Variants in TTC34 observed in about 807,000 individuals in gnomAD.
TTC34 encodes the protein tetratricopeptide repeat domain 34, also known as tetratricopeptide repeat protein 34.
A neutral mutation model predicts 40.7 loss-of-function variants in TTC34; 44 were observed. That is an observed-to-expected ratio of 1.08 (90% CI 0.85 to 1.39). The LOEUF (loss-of-function observed/expected upper bound fraction) is 1.39. Ranked by LOEUF, TTC34 falls within the 40% of genes most tolerant of loss-of-function variation. TTC34 has a pLI of 0.00. For synonymous variants in TTC34, 422 were observed against 398.6 expected, an observed-to-expected ratio of 1.06 and a Z score of -0.70; for missense variants, 884 against 838.0, an observed-to-expected ratio of 1.05 and a Z score of -0.68.
At chr1:2,795,672 G>A (rs1036404700) in intron 2 of TTC34, among the ~76,000 whole-genome samples, 3 of 152,198 alleles carry the variant, frequency 2.0e-5, no homozygotes, top group Non-Finnish European at 4.4e-5. Flanking sequence ...AGGAATCACA[G>A]CTATGCTTTG....
rs1643714399 is a variant in TTC34, at chr1:2,796,891, G to A, written c.784+3153C>T. On this transcript the variant is annotated intron_variant, in intron 2 of 8. Coordinates refer to ENST00000401095, the Ensembl canonical transcript of TTC34. This position sits in a 1 kb window ranked among gnomAD's most constrained non-coding sequence, Gnocchi z 4.5. ...GTTCCTGCCCCACCCTCTCGTTGGG[G>A]TCACCAAGAACCTCGGCACCACACG... Among the ~76,000 whole-genome samples, 1 of 152,138 alleles carries A rather than the reference G, an allele frequency of 6.6e-6. No homozygotes were observed. The highest frequency in any genetic ancestry group is 1.5e-5 in the Non-Finnish European group (1 of 68,020).
exon 9 of TTC34, chr1:2,641,406 T>C (rs1287571614): frequency 2.6e-6 from 4 of 1,529,860 alleles, no homozygotes; most frequent in Non-Finnish European, 3.5e-6. Flanking sequence ...TCCCTCCGGA[T>C]TCTGGCCTTC....
rs1455129398 is a variant in TTC34, at chr1:2,690,403, C to T, written c.2227-44840G>A. 5.0e-3 allele frequency among the ~76,000 whole-genome samples: 442 copies of T among 89,272 alleles called. 2 individuals carry two copies. The highest frequency in any genetic ancestry group is 0.018 in the African/African-American group (318 of 17,460). The allele number at this position is 89,272 out of a possible 152,430, so 58.6% of individuals were successfully genotyped here. On this transcript the variant is annotated intron_variant, in intron 6 of 8. Transcript: ENST00000401095. The stretch of plus-strand genomic sequence containing the variant: ...ACCCCCAGGCGAGCATCTGACCCAA[C>T]GGAGCAGAACCCAGAACCCCAGGCG...
intron 6 of TTC34, among the ~76,000 whole-genome samples, chr1:2,767,831 G>A (rs1641822931): frequency 6.7e-6 from 1 of 150,312 alleles, no homozygotes; most frequent in African/African-American, 2.4e-5. Context: ...CTGACAGCCT[G>A]GAGCAGCACC....
chr1:2,656,376 CCA>C (rs1639346958), intron 6 of TTC34, among the ~76,000 whole-genome samples: 6 of 79,884 alleles, frequency 7.5e-5, no homozygotes, highest in South Asian at 5.4e-4. Context: ...GCACCCACAC[CCA>C]CAGGTGAGCA....
intron 6 of TTC34, among the ~76,000 whole-genome samples, chr1:2,697,589 TGAAACAGCTCCCACAACCCCA>T (rs1640925443): frequency 6.6e-6 from 1 of 151,360 alleles, no homozygotes; most frequent in Non-Finnish European, 1.5e-5. Context: ...TCCGACATCC[TGAAACAGCTCCCACAACCCCA>T]GGTGAGCATC....
intron 6 of TTC34, among the ~76,000 whole-genome samples, chr1:2,779,559 G>A (rs758316523): frequency 6.6e-6 from 1 of 152,098 alleles, no homozygotes; most frequent in Non-Finnish European, 1.5e-5. Context: ...TCCTGACCTC[G>A]TGATCCACCC....
Position 2,683,370 on chromosome 1 carries a change from T to A in TTC34, c.2227-37807A>T, listed in dbSNP as rs375015906. Among the ~76,000 whole-genome samples, 9 of 58,442 alleles carry A rather than the reference T, an allele frequency of 1.5e-4. 2 individuals carry two copies. The highest frequency in any genetic ancestry group is 6.1e-4 in the South Asian group (1 of 1,630). 38.3% of individuals were successfully genotyped at this position (58,442 alleles called of 152,430 possible). On this transcript the variant is annotated intron_variant, in intron 6 of 8. Coordinates refer to ENST00000401095, the Ensembl canonical transcript of TTC34. Reference sequence around the variant, plus strand: ...CCTGCACCCCCAGGTGAGCATCTGATGGCTTGGAACAGCACCCACACGCCC... The same window carrying A: ...CCTGCACCCCCAGGTGAGCATCTGAAGGCTTGGAACAGCACCCACACGCCC...
At chr1:2,698,598 G>A (rs530681196) in intron 6 of TTC34, among the ~76,000 whole-genome samples, 5 of 85,038 alleles carry the variant, frequency 5.9e-5, no homozygotes, top group East Asian at 3.3e-4. Context: ...GCCTGGAACA[G>A]CACCCACACT....
intron 7 of TTC34, 55 bp from the exon 8 acceptor site, chr1:2,644,533 A>G (rs1330554442): frequency 2.0e-6 from 3 of 1,482,428 alleles, no homozygotes; most frequent in Non-Finnish European, 2.7e-6. Context: ...GAGGTGCGAG[A>G]GAGCTGAGAC....
chr1:2,752,727 C>G (rs1212285497), intron 6 of TTC34, among the ~76,000 whole-genome samples: 6 of 130,908 alleles, frequency 4.6e-5, no homozygotes, highest in Non-Finnish European at 7.9e-5. Context: ...GGAACAGCAC[C>G]CTGCACCCCC....
chr1:2,756,741 G>A (rs1315960817), intron 6 of TTC34, among the ~76,000 whole-genome samples: 3 of 4,144 alleles, frequency 7.2e-4, no homozygotes, highest in African/African-American at 3.5e-3. Context: ...GGAGCAGCAC[G>A]CACACCCCCA....
At chr1:2,666,082 AC>A (rs1279640910) in intron 6 of TTC34, among the ~76,000 whole-genome samples, 7 of 95,322 alleles carry the variant, frequency 7.3e-5, no homozygotes, top group Admixed American at 5.1e-4. Context: ...CTGGAACAGC[AC>A]CCACACGCCC....
chr1:2,794,679 T>C (rs1643696259), intron 2 of TTC34, among the ~76,000 whole-genome samples: 1 of 152,190 alleles, frequency 6.6e-6, no homozygotes, highest in African/African-American at 2.4e-5. Flanking sequence ...TCGTAATTGA[T>C]TTTAAATGGA....
intron 8 of TTC34, among the ~76,000 whole-genome samples, 166 bp downstream of exon 8, chr1:2,644,098 G>C (rs1016529635): frequency 6.6e-6 from 1 of 152,376 alleles, no homozygotes; most frequent in African/African-American, 2.4e-5. Context: ...GCCAGAGACC[G>C]TCTTCCTGGG....
chr1:2,788,303 T>C (rs1276244254), intron 3 of TTC34, among the ~76,000 whole-genome samples: 1 of 151,842 alleles, frequency 6.6e-6, no homozygotes, highest in East Asian at 2.0e-4. Flanking sequence ...GTGTGTGTTA[T>C]GTACATGTTG....
intron 6 of TTC34, among the ~76,000 whole-genome samples, chr1:2,695,800 A>C (rs561694863): frequency 2.6e-5 from 4 of 151,066 alleles, no homozygotes. Context: ...GCACACCCCC[A>C]GTTGAGCATC....
intron 6 of TTC34, among the ~76,000 whole-genome samples, chr1:2,688,076 A>G (rs1262602846): frequency 3.5e-5 from 5 of 141,192 alleles, no homozygotes; most frequent in African/African-American, 1.4e-4. Context: ...AGCCTGGAAC[A>G]GCACCCTGCA....
chr1:2,682,012 A>G (rs1190351312), intron 6 of TTC34, among the ~76,000 whole-genome samples: 1 of 114,850 alleles, frequency 8.7e-6, no homozygotes, highest in East Asian at 2.5e-4. Context: ...GACAGCCTGG[A>G]ACAACACCCA....
Sources: gnomAD v4.1 joint callset for allele counts (sites outside exome capture counted in the v4.1 genomes callset) on GRCh38, gnomAD v4.1.1 for gene constraint, Gnocchi (gnomAD v3.1) non-coding constraint, MANE v1.5 for transcripts, NCBI Gene and HGNC (gene_info 2026-07-23, HGNC 2026-07-21) for gene names.